Variants in AUTS2 observed in about 807,000 individuals in gnomAD.
AUTS2 encodes activator of transcription and developmental regulator AUTS2, also known as autism susceptibility gene 2 protein.
AUTS2 carries 17 observed loss-of-function variants against 112.4 expected under a neutral mutation model. The ratio of observed to expected loss-of-function variants is 0.15; its 90% CI spans 0.10 to 0.23. The LOEUF (loss-of-function observed/expected upper bound fraction) is 0.23, where lower values mean the gene tolerates loss of function less well. Among genes scored for constraint, AUTS2 ranks in the 10% least tolerant of loss-of-function variants. The probability of loss-of-function intolerance (pLI) is 1.00; values close to 1 mark genes in which losing one functional copy is unlikely to be tolerated. For missense variants in AUTS2, 1,510 were observed against 1,701.6 expected (o/e 0.89, Z 1.98); for synonymous variants, 751 against 702.7 (o/e 1.07, Z -1.09).
chr7:70,632,023 A>G (rs1222725808), intron 5 of AUTS2, among the ~76,000 whole-genome samples: 1 of 151,744 alleles, frequency 6.6e-6, no homozygotes, highest in Non-Finnish European at 1.5e-5. Flanking sequence ...TGGTTATTAC[A>G]AGTGATAAGC....
chr7:69,979,060 T>TA (rs1321772930), intron 2 of AUTS2, among the ~76,000 whole-genome samples: 2 of 152,214 alleles, frequency 1.3e-5, no homozygotes, highest in Non-Finnish European at 2.9e-5. Context: ...GAAATTTACA[T>TA]AATCATGATG....
chr7:70,374,517 C>G lies in AUTS2; in HGVS notation c.661-61235C>G, dbSNP rs146443779. On this transcript the variant is annotated intron_variant, in intron 4 of 18. Coordinates refer to ENST00000342771, the MANE Select transcript of AUTS2 (RefSeq NM_015570.4). ...TCTTGCTGTTAAACAAACTTGCAGT[C>G]AATTGCTTGTAAGTAACATTTAGTT... Among the ~76,000 whole-genome samples, 541 of 152,234 alleles carry G rather than the reference C, an allele frequency of 3.6e-3. 3 individuals carry two copies. The highest frequency in any genetic ancestry group is 0.012 in the African/African-American group (493 of 41,528).
chr7:70,452,808 G>A (rs1210759280), intron 5 of AUTS2, among the ~76,000 whole-genome samples: 1 of 152,142 alleles, frequency 6.6e-6, no homozygotes, highest in African/African-American at 2.4e-5. Context: ...AGCACAGGCG[G>A]TGGGCCCCCA....
At chr7:69,790,754 T>A (rs75114604) in intron 1 of AUTS2, among the ~76,000 whole-genome samples, 3,260 of 152,336 alleles carry the variant, frequency 0.021, 112 homozygotes, top group African/African-American at 0.072. Flanking sequence ...AACTGTAAGG[T>A]CCAGATGATG....
chr7:69,988,147 G>A (rs1298048326), intron 2 of AUTS2, among the ~76,000 whole-genome samples: 3 of 152,094 alleles, frequency 2.0e-5, no homozygotes, highest in Admixed American at 2.0e-4. Context: ...AATGATATTT[G>A]CCTTTTTTAG....
chr7:70,184,179 G>C (rs1475091484), intron 4 of AUTS2, among the ~76,000 whole-genome samples: 1 of 152,070 alleles, frequency 6.6e-6, no homozygotes, highest in Non-Finnish European at 1.5e-5. Context: ...TCATCTTTTT[G>C]CTGGAGAACG....
At chr7:70,059,809 T>C (rs1309840971) in intron 2 of AUTS2, among the ~76,000 whole-genome samples, 1 of 152,160 alleles carries the variant, frequency 6.6e-6, no homozygotes, top group African/African-American at 2.4e-5. Flanking sequence ...GGCAGATTTT[T>C]GAGGTAGGAA....
intron 5 of AUTS2, among the ~76,000 whole-genome samples, chr7:70,661,877 AG>A (rs2129542927): frequency 6.6e-6 from 1 of 152,210 alleles, no homozygotes; most frequent in South Asian, 2.1e-4. Context: ...TGTTGTTTGA[AG>A]AAAAAAAAAA....
At chr7:70,083,265 G>A (rs550365189) in intron 2 of AUTS2, among the ~76,000 whole-genome samples, 16 of 152,212 alleles carry the variant, frequency 1.1e-4, no homozygotes, top group African/African-American at 3.9e-4. Flanking sequence ...TGCTGTGTAG[G>A]CACCTTCTCC....
rs200850139 is a variant in AUTS2, at chr7:70,085,369, C to CT, written c.523-32749dup. 1.7e-3 allele frequency among the ~76,000 whole-genome samples: 247 copies of CT among 142,182 alleles called. 1 individual carries two copies. Among genetic ancestry groups the CT allele is most frequent in the Admixed American group, 4.3e-3 (61 of 14,244 alleles). 93.3% of individuals were successfully genotyped at this position (142,182 alleles called of 152,430 possible). On this transcript the variant is annotated intron_variant, in intron 2 of 18. Transcript: ENST00000342771. ...TAGTGAATTCATTTATTTTTGCATA[C>CT]TTTTTTTTTTTTTTGAGATGGAGTC...
intron 2 of AUTS2, among the ~76,000 whole-genome samples, chr7:69,927,275 AC>A (rs1366332927): frequency 6.7e-6 from 1 of 150,258 alleles, no homozygotes; most frequent in Non-Finnish European, 1.5e-5. Context: ...CATGAATAAT[AC>A]AAGAATATTA....
chr7:70,043,029 A>T (rs1053387840), intron 2 of AUTS2, among the ~76,000 whole-genome samples: 1 of 152,018 alleles, frequency 6.6e-6, no homozygotes, highest in Non-Finnish European at 1.5e-5. Flanking sequence ...AAAAAAAAAA[A>T]AAAACCTTGC....
In AUTS2 at chr7:70,792,633, GACA is replaced by G. The variant is rs1403990106; in HGVS notation, c.*1643_*1645del. On this transcript the variant is annotated 3_prime_UTR_variant, in exon 19 of 19. Transcript: ENST00000342771. Reference sequence around the variant, plus strand: ...GTGCGGTGTTTTTTTTTTTTTTTAAGACAACAACTAAAAAAAATGCAAGGAATA... The same window carrying G: ...GTGCGGTGTTTTTTTTTTTTTTTAAGACAACTAAAAAAAATGCAAGGAATA... 1.0e-4 allele frequency: 9 copies of G among 89,510 alleles called. No individual in the cohort carries two copies. Among genetic ancestry groups the G allele is most frequent in the East Asian group, 2.6e-4 (1 of 3,800 alleles). 5.5% of individuals were successfully genotyped at this position (89,510 alleles called of 1,614,324 possible).
chr7:69,903,324 C>T (rs1020881699), intron 2 of AUTS2, among the ~76,000 whole-genome samples: 1 of 152,166 alleles, frequency 6.6e-6, no homozygotes, highest in Non-Finnish European at 1.5e-5. Context: ...CTTCCCAGGG[C>T]ATTGAGTTTA....
At chr7:70,640,595 A>G (rs945182815) in intron 5 of AUTS2, among the ~76,000 whole-genome samples, 4 of 104,984 alleles carry the variant, frequency 3.8e-5, no homozygotes, top group African/African-American at 7.5e-5. Flanking sequence ...GTGTGTGTGT[A>G]AGTGTGTAAG....
chr7:70,776,251 A>T (rs1056180155), intron 13 of AUTS2, among the ~76,000 whole-genome samples: 1 of 152,206 alleles, frequency 6.6e-6, no homozygotes. Context: ...TCATCTGTCC[A>T]GTAGTCACTG....
At chr7:70,223,394 T>C (rs1398870841) in intron 4 of AUTS2, among the ~76,000 whole-genome samples, 1 of 152,188 alleles carries the variant, frequency 6.6e-6, no homozygotes, top group Non-Finnish European at 1.5e-5. Context: ...CACGAGATTA[T>C]AATGGAGCTG....
At chr7:69,918,915 CA>C (rs576174436) in intron 2 of AUTS2, among the ~76,000 whole-genome samples, 2 of 152,094 alleles carry the variant, frequency 1.3e-5, no homozygotes, top group Non-Finnish European at 2.9e-5. Flanking sequence ...ACTATTTTAG[CA>C]GAATGAAGCA....
chr7:69,952,507 A>G (rs190192968), intron 2 of AUTS2, among the ~76,000 whole-genome samples: 23 of 152,318 alleles, frequency 1.5e-4, no homozygotes, highest in Admixed American at 6.5e-4. Context: ...TGAAAAGTGC[A>G]TTCCATTGAA....
Sources: allele counts gnomAD v4.1 joint callset (sites outside exome capture counted in the v4.1 genomes callset), GRCh38; gene constraint gnomAD v4.1.1; transcripts MANE v1.5; gene names NCBI Gene and HGNC (gene_info 2026-07-23, HGNC 2026-07-21).